Variants in RBMS1 observed in about 807,000 individuals in gnomAD.
The protein encoded by RBMS1 is RNA binding motif single stranded interacting protein 1.
In RBMS1, 17 loss-of-function variants were observed where a neutral mutation model predicts 62.3. That is an observed-to-expected ratio of 0.27 (90% CI 0.19 to 0.41). The LOEUF is 0.41. Ranked by LOEUF, RBMS1 falls within the 10% of genes least tolerant of loss-of-function variation. The pLI is 1.00. For synonymous variants in RBMS1, 172 were observed against 170.0 expected, an observed-to-expected ratio of 1.01 and a Z score of -0.09; for missense variants, 334 against 504.5, an observed-to-expected ratio of 0.66 and a Z score of 3.24.
chr2:160,388,072 C>CAG (rs1694677404), intron 1 of RBMS1, among the ~76,000 whole-genome samples: 1 of 152,180 alleles, frequency 6.6e-6, no homozygotes. Flanking sequence ...TTTCTGACGT[C>CAG]AATCCTAAGC....
rs767307018 is a variant in RBMS1, at chr2:160,302,203, C to CT, written c.560+1126dup. Among the ~76,000 whole-genome samples, 637 of 142,076 alleles carry CT rather than the reference C, an allele frequency of 4.5e-3. 9 individuals are homozygous for CT. Among genetic ancestry groups the CT allele is most frequent in the South Asian group, 0.017 (76 of 4,390 alleles). 93.2% of individuals were successfully genotyped at this position (142,076 alleles called of 152,430 possible). On this transcript the variant is annotated intron_variant, in intron 5 of 13. Coordinates refer to ENST00000348849, the MANE Select transcript of RBMS1 (RefSeq NM_016836.4). The stretch of plus-strand genomic sequence containing the variant: ...CTTTAGCTATAACTAGACTTTTAGA[C>CT]TTTTTTTTTTTTTTTAAAGACAGAT...
intron 1 of RBMS1, among the ~76,000 whole-genome samples, chr2:160,443,779 G>A (rs1368498284): frequency 1.3e-5 from 2 of 152,164 alleles, no homozygotes; most frequent in East Asian, 3.9e-4. Flanking sequence ...TGCAAGAATG[G>A]CCTAGCACAG....
chr2:160,423,050 G>T (rs1696495800), intron 1 of RBMS1, among the ~76,000 whole-genome samples: 1 of 151,718 alleles, frequency 6.6e-6, no homozygotes, highest in Non-Finnish European at 1.5e-5. Context: ...TCTCTTCTTG[G>T]CACTCTTCTC....
intron 2 of RBMS1, among the ~76,000 whole-genome samples, chr2:160,320,613 T>C (rs988437819): frequency 7.9e-5 from 12 of 152,060 alleles, no homozygotes; most frequent in Admixed American, 2.0e-4. Context: ...TGAGAACTGG[T>C]TGTGCAAAGA....
intron 1 of RBMS1, among the ~76,000 whole-genome samples, chr2:160,475,944 C>A (rs1439519067): frequency 6.6e-6 from 1 of 151,490 alleles, no homozygotes; most frequent in Admixed American, 6.6e-5. Flanking sequence ...GCAACCTTCG[C>A]CCCCCGAGCT....
chr2:160,390,680 C>A (rs915569030), intron 1 of RBMS1, among the ~76,000 whole-genome samples: 38 of 141,644 alleles, frequency 2.7e-4, no homozygotes, highest in African/African-American at 9.0e-4. Flanking sequence ...TGGGCTGAGA[C>A]CCAGTCTCAA....
intron 2 of RBMS1, among the ~76,000 whole-genome samples, chr2:160,323,995 T>A (rs1194223370): frequency 1.3e-5 from 2 of 152,352 alleles, no homozygotes; most frequent in East Asian, 3.9e-4. Context: ...TGTAGGTATA[T>A]CTCAGTTTGC....
intron 1 of RBMS1, among the ~76,000 whole-genome samples, chr2:160,373,998 G>A (rs1038761494): frequency 3.9e-5 from 6 of 152,104 alleles, no homozygotes; most frequent in Non-Finnish European, 8.8e-5. Flanking sequence ...GAATAAAAGG[G>A]GTGGTGGCTC....
intron 1 of RBMS1, among the ~76,000 whole-genome samples, chr2:160,382,646 C>G (rs1021658448): frequency 6.6e-6 from 1 of 152,122 alleles, no homozygotes; most frequent in African/African-American, 2.4e-5. Context: ...TTCATTCTTT[C>G]CAGGATTTGC....
At chr2:160,410,170 C>T (rs1695966338) in intron 1 of RBMS1, among the ~76,000 whole-genome samples, 1 of 132,442 alleles carries the variant, frequency 7.6e-6, no homozygotes, top group Non-Finnish European at 1.5e-5. Context: ...TGCAGTGAGC[C>T]GAGATCACGC....
At chr2:160,280,183 G>A (rs540635889) in intron 10 of RBMS1, among the ~76,000 whole-genome samples, 1 of 152,282 alleles carries the variant, frequency 6.6e-6, no homozygotes, top group South Asian at 2.1e-4. Context: ...GTAGCATGGA[G>A]TATCAGGGAC....
At chr2:160,341,942 A>C (rs1009705782) in intron 2 of RBMS1, among the ~76,000 whole-genome samples, 3 of 152,182 alleles carry the variant, frequency 2.0e-5, no homozygotes, top group African/African-American at 4.8e-5. Context: ...GTGATCCTAA[A>C]ACCTAGATGA....
At chr2:160,404,323 C>T (rs777654350) in intron 1 of RBMS1, among the ~76,000 whole-genome samples, 1 of 152,156 alleles carries the variant, frequency 6.6e-6, no homozygotes, top group Non-Finnish European at 1.5e-5. Context: ...AGCTACACTA[C>T]GTGGGGGCAG....
chr2:160,394,041 T>A (rs1695007721), intron 1 of RBMS1, among the ~76,000 whole-genome samples: 5 of 152,334 alleles, frequency 3.3e-5, no homozygotes, highest in Admixed American at 3.3e-4. Context: ...CATCGCAGAA[T>A]TCATTCAGGA....
chr2:160,386,957 C>T (rs190797802), intron 1 of RBMS1, among the ~76,000 whole-genome samples: 2 of 152,262 alleles, frequency 1.3e-5, no homozygotes, highest in East Asian at 1.9e-4. Context: ...TCCAGTGTGC[C>T]GCTTTCTGGA....
intron 1 of RBMS1, among the ~76,000 whole-genome samples, chr2:160,484,272 G>C (rs1369250486): frequency 1.3e-5 from 2 of 152,004 alleles, no homozygotes; most frequent in South Asian, 2.1e-4. Context: ...GAGGCGGGCA[G>C]ATTACGAGGT....
At position 160,457,873 on chromosome 2, in the gene RBMS1, C is replaced by T. The variant is rs542488846; in HGVS notation, c.75+35416G>A. 6.6e-5 allele frequency among the ~76,000 whole-genome samples: 10 copies of T among 151,918 alleles called. No homozygotes were observed. In the East Asian group the frequency reaches 1.2e-3, roughly 18 times the overall value. Reference sequence around the variant, plus strand: ...TCACTACTTTTGAGGCAGATTATTGCGTGAGGGCAAAACAAATATGCAAAA... The same window carrying T: ...TCACTACTTTTGAGGCAGATTATTGTGTGAGGGCAAAACAAATATGCAAAA... On this transcript the variant is annotated intron_variant, in intron 1 of 13. Coordinates refer to ENST00000348849, the MANE Select transcript of RBMS1 (RefSeq NM_016836.4).
chr2:160,306,761 T>C (rs1689551479), intron 4 of RBMS1, among the ~76,000 whole-genome samples: 1 of 152,088 alleles, frequency 6.6e-6, no homozygotes, highest in South Asian at 2.1e-4. Context: ...TTCTTTTTAG[T>C]TGTTGTCTAT....
At chr2:160,359,757 G>A (rs1693021734) in intron 2 of RBMS1, among the ~76,000 whole-genome samples, 1 of 152,260 alleles carries the variant, frequency 6.6e-6, no homozygotes, top group African/African-American at 2.4e-5. Context: ...CCTAAAGGTA[G>A]CCTAATCATT....
Sources: gnomAD v4.1 joint callset for allele counts (sites outside exome capture counted in the v4.1 genomes callset) on GRCh38, gnomAD v4.1.1 for gene constraint, MANE v1.5 for transcripts, NCBI Gene and HGNC (gene_info 2026-07-23, HGNC 2026-07-21) for gene names.